GMDS: variants seen among roughly 807,000 people sequenced by gnomAD.
GMDS encodes GDP-mannose 4,6-dehydratase, also known as GDP-mannose 4,6 dehydratase.
A neutral mutation model predicts 49.9 loss-of-function variants in GMDS; 20 were observed. That is an observed-to-expected ratio of 0.40 (90% CI 0.28 to 0.58). The LOEUF (loss-of-function observed/expected upper bound fraction) is 0.58. Ranked by LOEUF, GMDS falls within the 20% of genes least tolerant of loss-of-function variation. The pLI is 0.42. For synonymous variants in GMDS, 177 were observed against 178.6 expected (o/e 0.99, Z 0.07); for missense variants, 362 against 481.4 (o/e 0.75, Z 2.32).
intron 7 of GMDS, among the ~76,000 whole-genome samples, chr6:1,789,202 C>T (rs1350548028): frequency 1.3e-5 from 2 of 152,252 alleles, no homozygotes; most frequent in East Asian, 3.8e-4. Flanking sequence ...CCCCTTATTA[C>T]ATCAACGTGT....
chr6:1,715,650 C>T (rs772495263), intron 9 of GMDS, among the ~76,000 whole-genome samples: 8 of 152,154 alleles, frequency 5.3e-5, no homozygotes, highest in African/African-American at 1.4e-4. Flanking sequence ...AAATACTCAT[C>T]GTTATGTTGT....
At chr6:1,750,014 G>A (rs1012455603) in intron 7 of GMDS, among the ~76,000 whole-genome samples, 10 of 151,982 alleles carry the variant, frequency 6.6e-5, no homozygotes, top group African/African-American at 2.4e-4. Flanking sequence ...TTAATTTTTA[G>A]TATACAAAAA....
At position 2,228,435 on chromosome 6, in the gene GMDS, A is replaced by G. The variant is rs115275097; in HGVS notation, c.102+16886T>C. Among the ~76,000 whole-genome samples, 833 of 152,330 alleles carry G rather than the reference A, an allele frequency of 5.5e-3. 2 individuals are homozygous for G. Among genetic ancestry groups the G allele is most frequent in the Middle Eastern group, 0.017 (5 of 294 alleles). On this transcript the variant is annotated intron_variant, in intron 1 of 10. Transcript: ENST00000380815. ...CTTGAGCTGAGCCCGTTTTTTAAAC[A>G]GGTAAAACTGCTTTTAAGAGAAAGA... is the stretch of plus-strand genomic sequence containing the variant.
chr6:2,059,523 A>C (rs1211564135), intron 4 of GMDS, among the ~76,000 whole-genome samples: 1 of 149,296 alleles, frequency 6.7e-6, no homozygotes, highest in African/African-American at 2.5e-5. Context: ...CCTGGCTAAC[A>C]CGGTGAAACC....
chr6:1,665,671 C>A (rs1410773913), intron 9 of GMDS, among the ~76,000 whole-genome samples: 1 of 152,160 alleles, frequency 6.6e-6, no homozygotes, highest in Non-Finnish European at 1.5e-5. Flanking sequence ...AGGACCAGAG[C>A]AGGAGGCCTC....
intron 9 of GMDS, among the ~76,000 whole-genome samples, chr6:1,654,855 G>C (rs1763821318): frequency 6.6e-6 from 1 of 152,084 alleles, no homozygotes; most frequent in Admixed American, 6.5e-5. Context: ...GAGGTCAAGA[G>C]ATTGAGACTA....
intron 6 of GMDS, among the ~76,000 whole-genome samples, chr6:1,934,791 A>T (rs1327135618): frequency 6.6e-6 from 1 of 152,140 alleles, no homozygotes; most frequent in Non-Finnish European, 1.5e-5. Flanking sequence ...CATGTTACAG[A>T]AGAATGCTCT....
chr6:1,731,256 A>T (rs1044440801), intron 8 of GMDS, among the ~76,000 whole-genome samples: 1 of 152,262 alleles, frequency 6.6e-6, no homozygotes, highest in Non-Finnish European at 1.5e-5. Flanking sequence ...GCCTCAGGGC[A>T]GTCAGTATAA....
chr6:1,874,165 A>C (rs1758913950), intron 7 of GMDS, among the ~76,000 whole-genome samples: 1 of 152,096 alleles, frequency 6.6e-6, no homozygotes, highest in Non-Finnish European at 1.5e-5. Flanking sequence ...CTTCACTTTT[A>C]GTTTTTCACT....
chr6:1,915,498 C>T (rs997029403), intron 7 of GMDS, among the ~76,000 whole-genome samples: 5 of 152,226 alleles, frequency 3.3e-5, no homozygotes, highest in East Asian at 1.9e-4. Flanking sequence ...CGGAGGAGGA[C>T]GCTGGGGCCC....
intron 7 of GMDS, among the ~76,000 whole-genome samples, chr6:1,809,759 A>G (rs980955031): frequency 6.6e-6 from 1 of 152,118 alleles, no homozygotes; most frequent in Non-Finnish European, 1.5e-5. Context: ...TGAAAAGACA[A>G]TCTTGGTATA....
chr6:1,910,982 T>C (rs1195164113), intron 7 of GMDS, among the ~76,000 whole-genome samples: 2 of 152,168 alleles, frequency 1.3e-5, no homozygotes, highest in Admixed American at 1.3e-4. Context: ...CACTAAAAAG[T>C]TCACTTCATT....
In GMDS at chr6:1,993,030, C is replaced by T. The variant is rs192865030; in HGVS notation, c.346-32064G>A. On this transcript the variant is annotated intron_variant, in intron 4 of 10. Transcript: ENST00000380815. ...CTATTAAAGGGAAAATGATGCAGCA[C>T]CACAGATGTGAGTAGATCGTCCAGC... 2.6e-5 allele frequency among the ~76,000 whole-genome samples: 4 copies of T among 152,316 alleles called. No homozygotes were observed. In the East Asian group the frequency reaches 7.7e-4, roughly 29 times the overall value.
intron 4 of GMDS, among the ~76,000 whole-genome samples, chr6:1,989,300 G>C (rs1467249308): frequency 1.3e-5 from 2 of 152,158 alleles, no homozygotes; most frequent in Non-Finnish European, 2.9e-5. Context: ...CAGAGAGTTG[G>C]TAAAAAGGCT....
intron 1 of GMDS, among the ~76,000 whole-genome samples, chr6:2,171,712 T>C (rs1288642388): frequency 6.6e-6 from 1 of 152,118 alleles, no homozygotes; most frequent in African/African-American, 2.4e-5. Flanking sequence ...TGTGAAACTA[T>C]TTACCACAGA....
At chr6:2,151,577 G>C (rs982769833) in intron 1 of GMDS, among the ~76,000 whole-genome samples, 1 of 151,940 alleles carries the variant, frequency 6.6e-6, no homozygotes, top group African/African-American at 2.4e-5. Flanking sequence ...AAAGCTCTTA[G>C]TGTAACCTAT....
At chr6:2,204,481 T>A (rs1779697004) in intron 1 of GMDS, among the ~76,000 whole-genome samples, 1 of 152,246 alleles carries the variant, frequency 6.6e-6, no homozygotes, top group African/African-American at 2.4e-5. Flanking sequence ...AGTGTTATGA[T>A]ACGAAGTCCC....
chr6:1,777,156 C>T (rs1768869839), intron 7 of GMDS, among the ~76,000 whole-genome samples: 1 of 152,244 alleles, frequency 6.6e-6, no homozygotes, highest in South Asian at 2.1e-4. Flanking sequence ...GGGCCATACC[C>T]CTAATCCTCA....
intron 7 of GMDS, among the ~76,000 whole-genome samples, chr6:1,828,309 T>G (rs1427901648): frequency 6.6e-6 from 1 of 152,068 alleles, no homozygotes; most frequent in Non-Finnish European, 1.5e-5. Context: ...AGGGACACCA[T>G]CAAGCAGACC....
Sources: gnomAD v4.1 joint callset for allele counts (sites outside exome capture counted in the v4.1 genomes callset) on GRCh38, gnomAD v4.1.1 for gene constraint, MANE v1.5 for transcripts, NCBI Gene and HGNC (gene_info 2026-07-23, HGNC 2026-07-21) for gene names.